The following PPHLN1 variants were observed in gnomAD, a reference collection of about 807,000 sequenced individuals.
The protein encoded by PPHLN1 is periphilin 1.
Under a neutral mutation model 51.3 loss-of-function variants are expected in PPHLN1, and 29 were observed. The observed-to-expected ratio is 0.57, with a 90% CI of 0.42 to 0.77. The LOEUF (loss-of-function observed/expected upper bound fraction) is 0.77, where lower values mean the gene tolerates loss of function less well. Among genes scored for constraint, PPHLN1 ranks in the 30% least tolerant of loss-of-function variants. The pLI, the probability that PPHLN1 is intolerant of heterozygous loss-of-function variation, is 0.00. For missense variants in PPHLN1, 436 were observed against 438.4 expected (o/e 0.99, Z 0.05); for synonymous variants, 147 against 147.8 (o/e 0.99, Z 0.04).
chr12:42,413,526 ATGTGTGTGTG>A (rs71084648), intron 9 of PPHLN1, among the ~76,000 whole-genome samples: 4,647 of 136,578 alleles, frequency 0.034, 80 homozygotes, highest in Middle Eastern at 0.055. Context: ...ATATATGTAT[ATGTGTGTGTG>A]TGTGTGTGTG....
Position 42,403,284 on chromosome 12 carries a change from C to G in PPHLN1, c.909+4290C>G, listed in dbSNP as rs551056621. ...TTTAACAATCCATTATTACCAACCACTTGTTCAGATTTTACATACATACAG... is the reference window on the plus strand; with the variant it reads ...TTTAACAATCCATTATTACCAACCAGTTGTTCAGATTTTACATACATACAG... On this transcript the variant is annotated intron_variant, in intron 9 of 9. Transcript: ENST00000358314. Among the ~76,000 whole-genome samples the G allele has an allele frequency of 2.6e-5, 4 of 152,270 alleles. No homozygotes were observed. In the South Asian group the frequency reaches 8.3e-4, roughly 32 times the overall value.
chr12:42,439,183 G>C (rs1019227680), intron 9 of PPHLN1, among the ~76,000 whole-genome samples: 1 of 152,004 alleles, frequency 6.6e-6, no homozygotes, highest in Non-Finnish European at 1.5e-5. Flanking sequence ...TTTATATTTA[G>C]GTCTGCGATC....
At chr12:42,426,193 C>CACAA (rs1182295875) in intron 9 of PPHLN1, among the ~76,000 whole-genome samples, 11 of 139,890 alleles carry the variant, frequency 7.9e-5, no homozygotes. Flanking sequence ...CACACACACA[C>CACAA]ACACACACAC....
intron 7 of PPHLN1, among the ~76,000 whole-genome samples, chr12:42,393,333 C>A (rs2077900343): frequency 6.6e-6 from 1 of 151,980 alleles, no homozygotes; most frequent in African/African-American, 2.4e-5. Context: ...AGATGAATTT[C>A]TAGAGTCTTA....
rs1044214462 is a variant in PPHLN1, at chr12:42,390,200, A to G, written c.648+2665A>G. 3.5e-4 allele frequency among the ~76,000 whole-genome samples: 53 copies of G among 152,172 alleles called. 1 individual carries two copies. The highest frequency in any genetic ancestry group is 4.2e-4 in the South Asian group (2 of 4,816). ...GCAGCTGCTTCCCTGCCTCAGGAGG[A>G]AAAAAACAGCTTCTTTGTGACAACT... On this transcript the variant is annotated intron_variant, in intron 7 of 9. Transcript: ENST00000358314.
chr12:42,422,236 C>T lies in PPHLN1; in HGVS notation c.910-19079C>T, dbSNP rs941449633. Among the ~76,000 whole-genome samples the T allele has an allele frequency of 3.9e-5, 6 of 152,162 alleles. No homozygotes were observed. In the South Asian group the frequency reaches 1.2e-3, roughly 31 times the overall value. ...TTCTGGACTTTTAAATACTACAACA[C>T]AAATAACACTAAACCCTCAGAGAGC... is the stretch of plus-strand genomic sequence containing the variant. On this transcript the variant is annotated intron_variant, in intron 9 of 9. Coordinates refer to ENST00000358314, the MANE Select transcript of PPHLN1 (RefSeq NM_201439.2).
chr12:42,398,782 C>A, intron 8 of PPHLN1, 72 bp from the exon 9 acceptor site: 1 of 1,397,792 alleles, frequency 7.2e-7, no homozygotes. Flanking sequence ...CCAGTTAGTG[C>A]CTATACACAA....
intron 2 of PPHLN1, among the ~76,000 whole-genome samples, chr12:42,338,443 A>G (rs2071014917): frequency 6.6e-6 from 1 of 152,196 alleles, no homozygotes; most frequent in Non-Finnish European, 1.5e-5. Flanking sequence ...TTGAAGTAAT[A>G]CACCATTTGG....
chr12:42,354,613 AT>A (rs1457730469), intron 3 of PPHLN1, among the ~76,000 whole-genome samples: 4 of 152,200 alleles, frequency 2.6e-5, no homozygotes, highest in Non-Finnish European at 5.9e-5. Flanking sequence ...GCTTTGTTTG[AT>A]TAATTTTAAA....
chr12:42,426,165 C>T (rs1332997728), intron 9 of PPHLN1, among the ~76,000 whole-genome samples: 1 of 140,896 alleles, frequency 7.1e-6, no homozygotes. Context: ...CAGTATTAGA[C>T]TTGACACCAC....
At chr12:42,400,628 G>A (rs2078732112) in intron 9 of PPHLN1, 1 of 152,222 alleles carries the variant, frequency 6.6e-6, no homozygotes, top group African/African-American at 2.4e-5. Context: ...TCCTCTCTGA[G>A]CCTCCCAAAG....
In PPHLN1 at chr12:42,387,441, T is replaced by C; in HGVS notation, c.569-15T>C. 2.5e-6 allele frequency: 4 copies of C among 1,578,424 alleles called. No individual in the cohort carries two copies. Among genetic ancestry groups the C allele is most frequent in the South Asian group, 2.4e-5 (2 of 83,752 alleles). On this transcript the variant is annotated splice_polypyrimidine_tract_variant and intron_variant, in intron 6 of 9. Coordinates refer to ENST00000358314, the MANE Select transcript of PPHLN1 (RefSeq NM_201439.2). ...TAGCTAGAAAAAAAATTACATCTTA[T>C]GTTTTCTTATATAGATAAAGAGAGG...
At chr12:42,374,067 C>A (rs1316436819) in intron 4 of PPHLN1, among the ~76,000 whole-genome samples, 2 of 152,098 alleles carry the variant, frequency 1.3e-5, no homozygotes, top group African/African-American at 4.8e-5. Flanking sequence ...CTAGACAATG[C>A]CACATTGTCC....
intron 9 of PPHLN1, among the ~76,000 whole-genome samples, chr12:42,438,026 A>C (rs2082633333): frequency 6.6e-6 from 1 of 152,188 alleles, no homozygotes; most frequent in Admixed American, 6.6e-5. Context: ...CTTTTGATGA[A>C]AAATATTCCA....
intron 2 of PPHLN1, among the ~76,000 whole-genome samples, chr12:42,348,006 T>C (rs2072624602): frequency 6.6e-6 from 1 of 152,200 alleles, no homozygotes; most frequent in African/African-American, 2.4e-5. Flanking sequence ...ATAATGTACA[T>C]ATATTTGAAC....
chr12:42,404,716 G>C (rs1442873092), intron 9 of PPHLN1, among the ~76,000 whole-genome samples: 3 of 151,952 alleles, frequency 2.0e-5, no homozygotes, highest in African/African-American at 7.3e-5. Context: ...AAAATGAAAT[G>C]TAAAAATACT....
chr12:42,336,352 TGA>T (rs1177108920), intron 2 of PPHLN1, among the ~76,000 whole-genome samples: 1 of 152,108 alleles, frequency 6.6e-6, no homozygotes, highest in Non-Finnish European at 1.5e-5. Context: ...TGTTACAAAT[TGA>T]ATATATGAAA....
At chr12:42,332,435 T>C (rs2069894941) in intron 1 of PPHLN1, among the ~76,000 whole-genome samples, 1 of 152,212 alleles carries the variant, frequency 6.6e-6, no homozygotes, top group South Asian at 2.1e-4. Context: ...GGCAAAATTC[T>C]AGACTAGACT....
At chr12:42,363,664 T>C (rs754552739) in intron 4 of PPHLN1, among the ~76,000 whole-genome samples, 4 of 152,228 alleles carry the variant, frequency 2.6e-5, no homozygotes, top group South Asian at 2.1e-4. Flanking sequence ...TGCCCCGCTC[T>C]GAAAGTGATC....
Sources: allele counts gnomAD v4.1 joint callset (sites outside exome capture counted in the v4.1 genomes callset), GRCh38; gene constraint gnomAD v4.1.1; transcripts MANE v1.5; gene names NCBI Gene and HGNC (gene_info 2026-07-23, HGNC 2026-07-21).